DIP2B: variants seen among roughly 807,000 people sequenced by gnomAD.
DIP2B encodes the protein disco-interacting protein 2 homolog B.
A neutral mutation model predicts 198.0 loss-of-function variants in DIP2B; 76 were observed. The observed-to-expected ratio is 0.38, with a 90% CI of 0.32 to 0.46. The LOEUF is 0.46. DIP2B is among the 20% of genes least tolerant of loss of function. The probability of loss-of-function intolerance (pLI) is 0.99; values close to 1 mark genes in which losing one functional copy is unlikely to be tolerated. For missense variants in DIP2B, 1,559 were observed against 1,978.4 expected, an observed-to-expected ratio of 0.79 and a Z score of 4.02; for synonymous variants, 701 against 739.1, an observed-to-expected ratio of 0.95 and a Z score of 0.84.
At chr12:50,642,446 A>G (rs1938272957) in intron 3 of DIP2B, among the ~76,000 whole-genome samples, 2 of 152,248 alleles carry the variant, frequency 1.3e-5, no homozygotes, top group Non-Finnish European at 2.9e-5. Flanking sequence ...AGGGCCTTCC[A>G]TATATAAGAG....
intron 2 of DIP2B, among the ~76,000 whole-genome samples, chr12:50,637,381 C>T (rs1593676113): frequency 6.6e-6 from 1 of 152,312 alleles, no homozygotes; most frequent in South Asian, 2.1e-4. Flanking sequence ...TATCTTTAGC[C>T]TCACTGGTCT....
chr12:50,737,133 A>C (rs1386203137), intron 35 of DIP2B, 23 bp downstream of exon 35: 1 of 1,607,544 alleles, frequency 6.2e-7, no homozygotes, highest in Non-Finnish European at 8.5e-7. Flanking sequence ...TTTCATTTTT[A>C]CTCTGAAAAG....
chr12:50,691,219 C>T (rs1313804828), intron 13 of DIP2B, 68 bp downstream of exon 13: 2 of 1,368,388 alleles, frequency 1.5e-6, no homozygotes, highest in South Asian at 1.2e-5. Context: ...GCACAATGCT[C>T]AGTGATTGGA....
intron 35 of DIP2B, 119 bp from the exon 36 acceptor site, chr12:50,739,290 T>G: frequency 9.0e-7 from 1 of 1,115,642 alleles, no homozygotes. Flanking sequence ...CCTTTATTGA[T>G]GCAGTTGTGT....
At chr12:50,695,809 T>G in intron 15 of DIP2B, 39 bp from the exon 16 acceptor site, 1 of 1,610,172 alleles carries the variant, frequency 6.2e-7, no homozygotes, top group South Asian at 1.1e-5. Context: ...TGTCCCAAAT[T>G]TATTGTGTAT....
chr12:50,525,088 T>G lies in DIP2B; in HGVS notation c.100+19848T>G, dbSNP rs138134084. ...GAGGGACAGAGAAGGCTGGGCACGGTGGCTCACACCTGTAATCCCAGCACT... is the reference window on the plus strand; with the variant it reads ...GAGGGACAGAGAAGGCTGGGCACGGGGGCTCACACCTGTAATCCCAGCACT... On this transcript the variant is annotated intron_variant, in intron 1 of 37. Coordinates refer to ENST00000301180, the MANE Select transcript of DIP2B (RefSeq NM_173602.3). 6.6e-3 allele frequency among the ~76,000 whole-genome samples: 992 copies of G among 150,498 alleles called. 22 individuals are homozygous for G. The highest frequency in any genetic ancestry group is 0.06 in the East Asian group (294 of 4,922).
intron 1 of DIP2B, among the ~76,000 whole-genome samples, chr12:50,540,053 GTTTTTTTTTTTTTTTTT>G (rs60978324): frequency 6.8e-5 from 3 of 44,142 alleles, no homozygotes; most frequent in African/African-American, 1.0e-4. Context: ...TTGTTTCTGT[GTTTTTTTTTTTTTTTTT>G]TTTTTTTTTT....
rs142631379 is a variant in DIP2B at position 50,560,093 on chromosome 12, A to G, written c.100+54853A>G. On this transcript the variant is annotated intron_variant, in intron 1 of 37. Coordinates refer to ENST00000301180, the MANE Select transcript of DIP2B (RefSeq NM_173602.3). ...AGAGTTCGAGATCAGCCCGGCCAAC[A>G]TGGTGAAACCCCATCTCTACTAAAA... Among the ~76,000 whole-genome samples, 41 of 152,272 alleles carry G rather than the reference A, an allele frequency of 2.7e-4. No homozygotes were observed. The East Asian group carries it at 7.3e-3, about 27-fold the overall frequency.
intron 1 of DIP2B, among the ~76,000 whole-genome samples, chr12:50,585,551 A>G (rs1565833923): frequency 6.6e-6 from 1 of 152,160 alleles, no homozygotes; most frequent in East Asian, 1.9e-4. Context: ...GGCCTCAAGG[A>G]GGAACAAGCT....
At chr12:50,515,315 A>G (rs1347656490) in intron 1 of DIP2B, among the ~76,000 whole-genome samples, 1 of 147,150 alleles carries the variant, frequency 6.8e-6, no homozygotes, top group East Asian at 2.0e-4. Context: ...GCTCACTGCA[A>G]CCCCCTCTCC....
intron 1 of DIP2B, among the ~76,000 whole-genome samples, chr12:50,515,187 A>C (rs2139344376): frequency 6.6e-6 from 1 of 151,786 alleles, no homozygotes; most frequent in Admixed American, 6.6e-5. Flanking sequence ...TTCAGACTGC[A>C]GAGAACCTGC....
At chr12:50,739,240 G>C (rs1320347945) in intron 35 of DIP2B, among the ~76,000 whole-genome samples, 169 bp from the exon 36 acceptor site, 1 of 152,242 alleles carries the variant, frequency 6.6e-6, no homozygotes, top group Non-Finnish European at 1.5e-5. Flanking sequence ...AGGATGGATG[G>C]AGATTAGGTA....
intron 3 of DIP2B, among the ~76,000 whole-genome samples, chr12:50,655,316 C>T (rs2139505773): frequency 6.6e-6 from 1 of 152,314 alleles, no homozygotes; most frequent in Non-Finnish European, 1.5e-5. Context: ...ATATACATGT[C>T]TGCTTATTTG....
chr12:50,512,406 G>A (rs1958026579), intron 1 of DIP2B, among the ~76,000 whole-genome samples: 1 of 151,518 alleles, frequency 6.6e-6, no homozygotes, highest in Admixed American at 6.6e-5. Context: ...TGCACCCAGC[G>A]TCAATGTATG....
intron 1 of DIP2B, among the ~76,000 whole-genome samples, chr12:50,617,032 A>G (rs1209560191): frequency 1.3e-5 from 2 of 152,110 alleles, no homozygotes; most frequent in African/African-American, 4.8e-5. Flanking sequence ...AACATGAACC[A>G]CCTTCCTGGT....
At chr12:50,691,626 T>G (rs1198946590) in intron 13 of DIP2B, among the ~76,000 whole-genome samples, 1 of 152,218 alleles carries the variant, frequency 6.6e-6, no homozygotes, top group African/African-American at 2.4e-5. Flanking sequence ...TTTTAGTGTT[T>G]TCCCTTTATA....
At chr12:50,637,259 T>C (rs1938177390) in intron 2 of DIP2B, among the ~76,000 whole-genome samples, 1 of 152,222 alleles carries the variant, frequency 6.6e-6, no homozygotes, top group Non-Finnish European at 1.5e-5. Flanking sequence ...ATCATTGATA[T>C]TCTGTCATTT....
chr12:50,514,361 G>A (rs900371722), intron 1 of DIP2B, among the ~76,000 whole-genome samples: 2 of 151,910 alleles, frequency 1.3e-5, no homozygotes, highest in African/African-American at 2.4e-5. Flanking sequence ...CACTGCACCC[G>A]GTTGCATTAT....
chr12:50,668,999 CTT>C (rs1475858805), intron 4 of DIP2B, among the ~76,000 whole-genome samples: 1 of 152,096 alleles, frequency 6.6e-6, no homozygotes, highest in African/African-American at 2.4e-5. Context: ...GACCTCATCA[CTT>C]TATCTCTTTG....
Sources: gnomAD v4.1 joint callset for allele counts (sites outside exome capture counted in the v4.1 genomes callset) on GRCh38, gnomAD v4.1.1 for gene constraint, MANE v1.5 for transcripts, NCBI Gene and HGNC (gene_info 2026-07-23, HGNC 2026-07-21) for gene names.